AGMO: variants seen among roughly 807,000 people sequenced by gnomAD.
AGMO encodes glyceryl-ether monooxygenase.
AGMO carries 75 observed loss-of-function variants against 60.2 expected under a neutral mutation model. That is an observed-to-expected ratio of 1.25 (90% CI 1.03 to 1.51). The LOEUF is 1.51. Among genes scored for constraint, AGMO ranks in the 40% most tolerant of loss-of-function variants. The pLI is 0.00. For synonymous variants in AGMO, 261 were observed against 177.1 expected (o/e 1.47, Z -3.76); for missense variants, 763 against 525.5 (o/e 1.45, Z -4.42).
At chr7:15,544,292 ACCACAG>A (rs1309075448) in intron 3 of AGMO, among the ~76,000 whole-genome samples, 4 of 152,102 alleles carry the variant, frequency 2.6e-5, no homozygotes, top group African/African-American at 7.2e-5. Context: ...TGATAGGTGC[ACCACAG>A]TCTCGGAAAT....
At chr7:15,376,643 TTG>T (rs1410014722) in intron 10 of AGMO, among the ~76,000 whole-genome samples, 2 of 152,268 alleles carry the variant, frequency 1.3e-5, no homozygotes, top group South Asian at 2.1e-4. Flanking sequence ...AAACTGTTTT[TTG>T]TGTGTTTATT....
intron 12 of AGMO, among the ~76,000 whole-genome samples, chr7:15,334,325 T>G (rs77195711): frequency 6.9e-6 from 1 of 145,702 alleles, no homozygotes; most frequent in South Asian, 2.2e-4. Flanking sequence ...TTTTTTTTTT[T>G]AAATATGCAT....
At chr7:15,542,269 G>C (rs1214574003) in intron 3 of AGMO, among the ~76,000 whole-genome samples, 1 of 152,104 alleles carries the variant, frequency 6.6e-6, no homozygotes, top group Non-Finnish European at 1.5e-5. Context: ...TGGCTCCATA[G>C]CCTGAAGGTT....
At chr7:15,396,548 ACAACGAGGAAAAGGACAACAG>A (rs889859134) in intron 5 of AGMO, 20 of 152,242 alleles carry the variant, frequency 1.3e-4, no homozygotes, top group African/African-American at 3.9e-4. Context: ...CAAAGCTACC[ACAACGAGGAAAAGGACAACAG>A]CTTGCCGCTC....
intron 12 of AGMO, among the ~76,000 whole-genome samples, chr7:15,330,481 A>G (rs983098556): frequency 6.6e-6 from 1 of 152,188 alleles, no homozygotes; most frequent in Non-Finnish European, 1.5e-5. Context: ...ACAAAAGACA[A>G]TATTTTGGCA....
At chr7:15,184,489 G>A in the AGMO span, among the ~76,000 whole-genome samples, 1 of 119,542 alleles carries the variant, frequency 8.4e-6, no homozygotes, top group African/African-American at 3.4e-5. Flanking sequence ...AGGAGGGAGG[G>A]AAGGAAGGAA....
At chr7:15,132,281 A>G in the AGMO span, among the ~76,000 whole-genome samples, 2 of 152,180 alleles carry the variant, frequency 1.3e-5, no homozygotes, top group African/African-American at 4.8e-5. Flanking sequence ...AAATACTTCA[A>G]TATTTCAGGC....
chr7:15,392,736 T>G (rs1784196618), intron 6 of AGMO, among the ~76,000 whole-genome samples: 1 of 152,138 alleles, frequency 6.6e-6, no homozygotes, highest in South Asian at 2.1e-4. Context: ...TAGGCGGATG[T>G]TGCAGTGAGC....
chr7:15,232,801 G>GCACACACACACA (rs71004371), intron 12 of AGMO, among the ~76,000 whole-genome samples: 3,038 of 147,070 alleles, frequency 0.021, 68 homozygotes, highest in East Asian at 0.1. Flanking sequence ...ACACACACAC[G>GCACACACACACA]CACACACACA....
chr7:15,274,100 T>A (rs1481618995), intron 12 of AGMO, among the ~76,000 whole-genome samples: 1 of 152,190 alleles, frequency 6.6e-6, no homozygotes, highest in Non-Finnish European at 1.5e-5. Flanking sequence ...TTTTCCTAAT[T>A]GAATACCCTT....
chr7:15,287,476 T>C (rs1250483622), intron 12 of AGMO, among the ~76,000 whole-genome samples: 1 of 152,230 alleles, frequency 6.6e-6, no homozygotes, highest in Non-Finnish European at 1.5e-5. Context: ...ATTTGGATCT[T>C]GTGAAAATCA....
At chr7:15,389,004 A>G (rs1008464750) in intron 8 of AGMO, among the ~76,000 whole-genome samples, 3 of 152,196 alleles carry the variant, frequency 2.0e-5, no homozygotes, top group Non-Finnish European at 4.4e-5. Flanking sequence ...CATTCCTCTC[A>G]AAATACTAAT....
At chr7:15,240,244 T>C (rs10263798) in intron 12 of AGMO, among the ~76,000 whole-genome samples, 32,074 of 152,114 alleles carry the variant, frequency 0.21, 3,601 homozygotes, top group South Asian at 0.32. Flanking sequence ...TAAGTTTGAA[T>C]TGTAGATAAA....
chr7:15,397,501 C>T (rs1054951472), intron 5 of AGMO, among the ~76,000 whole-genome samples: 7 of 152,156 alleles, frequency 4.6e-5, no homozygotes, highest in Non-Finnish European at 4.4e-5. Context: ...CCAGAGCTGA[C>T]GCCCAGGCCA....
intron 12 of AGMO, among the ~76,000 whole-genome samples, chr7:15,332,493 T>C (rs1479346733): frequency 1.3e-5 from 2 of 152,202 alleles, no homozygotes; most frequent in Non-Finnish European, 2.9e-5. Flanking sequence ...GTACTCATTA[T>C]ATCCTCTAAT....
intron 4 of AGMO, among the ~76,000 whole-genome samples, chr7:15,424,558 A>G (rs1781007291): frequency 6.6e-6 from 1 of 152,196 alleles, no homozygotes; most frequent in African/African-American, 2.4e-5. Flanking sequence ...AAATTTCAAA[A>G]TGACTTTGAA....
At chr7:15,259,775 TTA>T (rs1783212307) in intron 12 of AGMO, among the ~76,000 whole-genome samples, 1 of 151,454 alleles carries the variant, frequency 6.6e-6, no homozygotes, top group African/African-American at 2.4e-5. Flanking sequence ...AACAAAACAG[TTA>T]TGAGCCAAGA....
chr7:15,548,068 C>T (rs1452017446), intron 2 of AGMO, among the ~76,000 whole-genome samples: 1 of 152,010 alleles, frequency 6.6e-6, no homozygotes, highest in African/African-American at 2.4e-5. Context: ...TGACACCTCA[C>T]ACGGCAGGGT....
intron 12 of AGMO, among the ~76,000 whole-genome samples, chr7:15,222,559 C>G (rs929283024): frequency 2.6e-5 from 4 of 152,002 alleles, no homozygotes; most frequent in African/African-American, 9.7e-5. Context: ...TATTAGCAAC[C>G]ATACCTGTAT....
Sources: allele counts gnomAD v4.1 joint callset (sites outside exome capture counted in the v4.1 genomes callset), GRCh38; gene constraint gnomAD v4.1.1; transcripts MANE v1.5; gene names NCBI Gene and HGNC (gene_info 2026-07-23, HGNC 2026-07-21).